The following PRIM2 variants were observed in gnomAD, a reference collection of about 807,000 sequenced individuals.
PRIM2 encodes the protein DNA primase subunit 2.
Under a neutral mutation model 67.3 loss-of-function variants are expected in PRIM2, and 39 were observed. The observed-to-expected ratio is 0.58, with a 90% CI of 0.45 to 0.76. The LOEUF is 0.76. Ranked by LOEUF, PRIM2 falls within the 30% of genes least tolerant of loss-of-function variation. The pLI is 0.00. For synonymous variants in PRIM2, 143 were observed against 198.7 expected, an observed-to-expected ratio of 0.72 and a Z score of 2.36; for missense variants, 398 against 598.7, an observed-to-expected ratio of 0.66 and a Z score of 3.50.
At chr6:57,538,037 G>T (rs1775036008) in intron 10 of PRIM2, among the ~76,000 whole-genome samples, 1 of 151,774 alleles carries the variant, frequency 6.6e-6, no homozygotes, top group African/African-American at 2.4e-5. Flanking sequence ...TCGAGACAGG[G>T]TCTTCTTCTG....
intron 10 of PRIM2, among the ~76,000 whole-genome samples, chr6:57,558,281 T>A (rs1244817713): frequency 6.6e-6 from 1 of 152,122 alleles, no homozygotes; most frequent in Non-Finnish European, 1.5e-5. Context: ...TAATATGACG[T>A]AGAAAGTAGT....
intron 7 of PRIM2, among the ~76,000 whole-genome samples, chr6:57,435,875 C>G (rs142020682): frequency 1.3e-5 from 2 of 152,274 alleles, no homozygotes; most frequent in East Asian, 3.9e-4. Context: ...TCTTTTAATG[C>G]ACCAATGGGG....
intron 8 of PRIM2, among the ~76,000 whole-genome samples, chr6:57,527,975 T>A (rs1774796605): frequency 6.6e-6 from 1 of 152,088 alleles, no homozygotes; most frequent in Non-Finnish European, 1.5e-5. Context: ...TTTTATTTTT[T>A]ATTTTTGAGA....
At chr6:57,591,344 G>A (rs1352265799) in intron 10 of PRIM2, among the ~76,000 whole-genome samples, 1 of 152,060 alleles carries the variant, frequency 6.6e-6, no homozygotes, top group Non-Finnish European at 1.5e-5. Flanking sequence ...CTAAGAAAAG[G>A]CCATAAGGTG....
chr6:57,360,431 T>C (rs9370587), intron 5 of PRIM2, among the ~76,000 whole-genome samples: 2 of 152,078 alleles, frequency 1.3e-5, no homozygotes, highest in African/African-American at 4.8e-5. Context: ...AGATTTTAAT[T>C]CATATGGAAA....
chr6:57,231,241 A>G, the PRIM2 span, among the ~76,000 whole-genome samples: 1 of 152,210 alleles, frequency 6.6e-6, no homozygotes, highest in Non-Finnish European at 1.5e-5. Flanking sequence ...ACCATACTTA[A>G]AAAAGTTTTT....
At chr6:57,301,911 G>A in the PRIM2 span, among the ~76,000 whole-genome samples, 1 of 152,198 alleles carries the variant, frequency 6.6e-6, no homozygotes, top group Non-Finnish European at 1.5e-5. Flanking sequence ...TCAAGAATGA[G>A]TTCAGACTGA....
chr6:57,434,070 G>A (rs573465620), intron 7 of PRIM2, among the ~76,000 whole-genome samples: 11 of 151,936 alleles, frequency 7.2e-5, no homozygotes, highest in Admixed American at 2.6e-4. Context: ...GATTACAAGC[G>A]TGCGCCACCA....
chr6:57,476,373 A>G, intron 7 of PRIM2, among the ~76,000 whole-genome samples: 1 of 152,158 alleles, frequency 6.6e-6, no homozygotes, highest in Non-Finnish European at 1.5e-5. Flanking sequence ...GATTTAATGG[A>G]TGGGACACTT....
chr6:57,552,912 A>T (rs1414697528), intron 10 of PRIM2, among the ~76,000 whole-genome samples: 6 of 152,150 alleles, frequency 3.9e-5, no homozygotes, highest in Non-Finnish European at 8.8e-5. Context: ...CAACACTGTG[A>T]TGAACATTCA....
At position 57,348,747 on chromosome 6, in the gene PRIM2, C is replaced by CT. The variant is rs67086940; in HGVS notation, c.459+22723dup. 1.6e-3 allele frequency among the ~76,000 whole-genome samples: 116 copies of CT among 71,558 alleles called. 2 individuals carry two copies. The highest frequency in any genetic ancestry group is 2.4e-3 in the South Asian group (4 of 1,688). 46.9% of individuals were successfully genotyped at this position (71,558 alleles called of 152,430 possible). ...CAGATTTTCCCACATCCTTCCTGCC[C>CT]TTTTTTTTTTTTTTTTTTTTTGAGA... On this transcript the variant is annotated intron_variant, in intron 5 of 13. Coordinates refer to ENST00000615550, the MANE Select transcript of PRIM2 (RefSeq NM_000947.5).
the PRIM2 span, among the ~76,000 whole-genome samples, chr6:57,228,624 G>C: frequency 8.5e-5 from 13 of 152,300 alleles, no homozygotes; most frequent in South Asian, 6.2e-4. Flanking sequence ...GAGGGCCCCA[G>C]GTAGACAGGA....
At chr6:57,418,501 A>G (rs1236407668) in intron 7 of PRIM2, among the ~76,000 whole-genome samples, 1 of 144,664 alleles carries the variant, frequency 6.9e-6, no homozygotes, top group Admixed American at 7.4e-5. Flanking sequence ...GGTTCAAGCG[A>G]TTCTCCTGCC....
At chr6:57,400,340 T>G (rs569647542) in intron 7 of PRIM2, among the ~76,000 whole-genome samples, 1 of 152,234 alleles carries the variant, frequency 6.6e-6, no homozygotes, top group Non-Finnish European at 1.5e-5. Flanking sequence ...AAAAGGATCA[T>G]ATTTCTCCTT....
At chr6:57,346,489 T>C (rs1768683405) in intron 5 of PRIM2, among the ~76,000 whole-genome samples, 1 of 152,098 alleles carries the variant, frequency 6.6e-6, no homozygotes, top group Non-Finnish European at 1.5e-5. Flanking sequence ...CTGGCTAATT[T>C]TTGTATTTTT....
At chr6:57,324,654 T>C (rs1053770219) in intron 4 of PRIM2, among the ~76,000 whole-genome samples, 1 of 152,196 alleles carries the variant, frequency 6.6e-6, no homozygotes, top group Admixed American at 6.5e-5. Flanking sequence ...ATACAGGTTT[T>C]TGGAATTTGA....
chr6:57,537,479 C>A lies in PRIM2; in HGVS notation c.874C>A (p.His292Asn). ...CTTCCCACCTTGCATGCGTCAGTTA[C>A]ATAAAGCCTTGCGGGAAAATCACCA... Reference protein sequence around the residue: ...KSFPPCMRQLHKALRENHHLR... With the variant: ...KSFPPCMRQLNKALRENHHLR... Residue 292 changes from histidine to asparagine, a missense_variant, in exon 10 of 14, where the codon CAT becomes AAT. His to Asn is a moderately conservative substitution (Grantham distance 68). Transcript: ENST00000615550. 6.6e-7 allele frequency: 1 copy of A among 1,511,286 alleles called. No individual in the cohort carries two copies. The highest frequency in any genetic ancestry group is 9.1e-7 in the Non-Finnish European group (1 of 1,094,768). The allele number at this position is 1,511,286 out of a possible 1,614,324, so 93.6% of individuals were successfully genotyped here. A position where few individuals can be genotyped will look rare whatever the true frequency, so the allele number is the denominator to read the frequency against.
chr6:57,628,487 G>A (rs1776991597), intron 12 of PRIM2, among the ~76,000 whole-genome samples: 1 of 152,108 alleles, frequency 6.6e-6, no homozygotes, highest in Non-Finnish European at 1.5e-5. Context: ...TTCTTAATAC[G>A]TTTTTAAAAA....
chr6:57,524,650 G>C (rs1176812450), intron 8 of PRIM2, among the ~76,000 whole-genome samples: 2 of 151,842 alleles, frequency 1.3e-5, no homozygotes, highest in Non-Finnish European at 2.9e-5. Context: ...GCGGTGAGCC[G>C]AGATCGTACC....
Sources: allele counts gnomAD v4.1 joint callset (sites outside exome capture counted in the v4.1 genomes callset), GRCh38; gene constraint gnomAD v4.1.1; transcripts MANE v1.5; gene names NCBI Gene and HGNC (gene_info 2026-07-23, HGNC 2026-07-21).